LNPK: variants seen among roughly 807,000 people sequenced by gnomAD.
LNPK encodes the protein endoplasmic reticulum junction formation protein lunapark.
LNPK carries 29 observed loss-of-function variants against 55.2 expected under a neutral mutation model. The observed-to-expected ratio is 0.53, with a 90% confidence interval of 0.39 to 0.72. The LOEUF (loss-of-function observed/expected upper bound fraction) is 0.72. Among genes scored for constraint, LNPK ranks in the 30% least tolerant of loss-of-function variants. The pLI is 0.00. For missense variants in LNPK, 467 were observed against 494.8 expected (o/e 0.94, Z 0.53); for synonymous variants, 162 against 168.2 (o/e 0.96, Z 0.29).
chr2:175,949,941 T>G (rs1280393512), intron 8 of LNPK, among the ~76,000 whole-genome samples: 1 of 152,096 alleles, frequency 6.6e-6, no homozygotes, highest in African/African-American at 2.4e-5. Flanking sequence ...TACTTGTGAT[T>G]CATAAAGTTT....
chr2:175,960,840 AG>A (rs2105613417), intron 8 of LNPK, among the ~76,000 whole-genome samples: 1 of 152,330 alleles, frequency 6.6e-6, no homozygotes, highest in South Asian at 2.1e-4. Context: ...AAAAGAGAGA[AG>A]AATCAAATAG....
At chr2:175,970,168 G>T (rs924113330) in intron 6 of LNPK, among the ~76,000 whole-genome samples, 8 of 152,138 alleles carry the variant, frequency 5.3e-5, no homozygotes, top group Non-Finnish European at 8.8e-5. Flanking sequence ...AGACTACTAT[G>T]TATCAATATC....
chr2:175,997,040 G>A (rs1005002816), intron 1 of LNPK, among the ~76,000 whole-genome samples: 6 of 152,076 alleles, frequency 3.9e-5, no homozygotes, highest in Non-Finnish European at 7.4e-5. Context: ...AATAATACCA[G>A]TATCAAGTAA....
At chr2:175,976,866 G>A (rs1351034697) in intron 5 of LNPK, among the ~76,000 whole-genome samples, 1 of 152,126 alleles carries the variant, frequency 6.6e-6, no homozygotes, top group Non-Finnish European at 1.5e-5. Flanking sequence ...CAGATCCTGG[G>A]ACTTCTCAGT....
intron 8 of LNPK, among the ~76,000 whole-genome samples, chr2:175,954,889 A>G (rs1685618317): frequency 6.6e-6 from 1 of 152,208 alleles, no homozygotes; most frequent in Non-Finnish European, 1.5e-5. Flanking sequence ...TAGCAAGCTA[A>G]CTTTAAGATA....
In LNPK at chr2:175,925,629, G is replaced by A. The variant is rs1046630462; in HGVS notation, c.*4338C>T. Reference sequence around the variant, plus strand: ...CCAAGAACACTCAAGAGTCATTAAAGGGTCTAAGCAATGGCGTGGCAGATT... The same window carrying A: ...CCAAGAACACTCAAGAGTCATTAAAAGGTCTAAGCAATGGCGTGGCAGATT... On this transcript the variant is annotated 3_prime_UTR_variant, in exon 13 of 13. Transcript: ENST00000272748. 2.0e-4 allele frequency: 30 copies of A among 151,498 alleles called. No homozygotes were observed. Among genetic ancestry groups the A allele is most frequent in the African/African-American group, 7.3e-4 (30 of 41,172 alleles). The allele number at this position is 151,498 out of a possible 1,614,324, so 9.4% of individuals were successfully genotyped here.
At chr2:175,976,194 G>A (rs1686904755) in intron 5 of LNPK, among the ~76,000 whole-genome samples, 1 of 152,158 alleles carries the variant, frequency 6.6e-6, no homozygotes, top group Admixed American at 6.5e-5. Flanking sequence ...GCAATGGGAA[G>A]CTATTAGACA....
At chr2:175,930,275 AAC>A (rs35338571) in intron 12 of LNPK, 76 bp from the exon 13 acceptor site, 18,114 of 655,672 alleles carry the variant, frequency 0.028, 43 homozygotes, top group East Asian at 0.078. Flanking sequence ...AAAAAAGATA[AAC>A]ACACACACAC....
chr2:175,995,086 T>G (rs1687872246), intron 2 of LNPK, among the ~76,000 whole-genome samples: 1 of 151,894 alleles, frequency 6.6e-6, no homozygotes, highest in African/African-American at 2.4e-5. Context: ...TACGCCCAGC[T>G]AATTTTTGTA....
rs1684061699 is a variant in LNPK at position 175,927,427 on chromosome 2, AG to A, written c.*2539del. The stretch of plus-strand genomic sequence containing the variant: ...GATGGTGAGCAGAGAGTGACATGAT[AG>A]GGAGTAAAAGGCAGAGGCCAGCTTC... On this transcript the variant is annotated 3_prime_UTR_variant, in exon 13 of 13. Coordinates refer to ENST00000272748, the MANE Select transcript of LNPK (RefSeq NM_030650.3). The A allele has an allele frequency of 6.6e-6, 1 of 152,228 alleles. No individual in the cohort carries two copies. Among genetic ancestry groups the A allele is most frequent in the African/African-American group, 2.4e-5 (1 of 41,448 alleles). The allele number at this position is 152,228 out of a possible 1,614,324, so 9.4% of individuals were successfully genotyped here.
chr2:175,930,079 T>C lies in LNPK; in HGVS notation c.1175A>G (p.Lys392Arg). ...KASDSEEPEE[K>R]QETENEEASV... is the part of the protein sequence containing the mutation. ...GGCTTCCTCATTCTCAGTCTCTTGT[T>C]TCTCCTCTGGTTCCTCTGAGTCAGA... The change falls in exon 13 of 13, where the codon AAA becomes AGA. Residue 392 changes from lysine (K) to arginine (R), a missense_variant. Coordinates refer to ENST00000272748, the MANE Select transcript of LNPK (RefSeq NM_030650.3). 1 of 1,614,120 alleles carries C rather than the reference T, an allele frequency of 6.2e-7. No homozygotes were observed.
intron 4 of LNPK, among the ~76,000 whole-genome samples, chr2:175,980,936 T>C (rs561876052): frequency 6.7e-6 from 1 of 150,090 alleles, no homozygotes; most frequent in Non-Finnish European, 1.5e-5. Flanking sequence ...GAAAGAAGTA[T>C]ATAAACATTA....
chr2:175,986,216 A>C (rs1687403639), intron 4 of LNPK, among the ~76,000 whole-genome samples: 1 of 152,166 alleles, frequency 6.6e-6, no homozygotes. Flanking sequence ...AAAAAAGAGA[A>C]TACATCTTCA....
At chr2:175,969,414 C>G (rs943699695) in intron 6 of LNPK, among the ~76,000 whole-genome samples, 1 of 152,178 alleles carries the variant, frequency 6.6e-6, no homozygotes, top group African/African-American at 2.4e-5. Flanking sequence ...CTCTGTTACT[C>G]TATTGAGAGA....
chr2:175,988,821 T>A (rs1427260650), intron 4 of LNPK, among the ~76,000 whole-genome samples: 1 of 152,232 alleles, frequency 6.6e-6, no homozygotes, highest in Non-Finnish European at 1.5e-5. Context: ...TCGCCCAGGC[T>A]GGAGTGCAGT....
Position 175,927,696 on chromosome 2 carries a change from C to A in LNPK, c.*2271G>T, listed in dbSNP as rs1475819466. The stretch of plus-strand genomic sequence containing the variant: ...GCTAAGATCACTGTAGCTAATGGTA[C>A]TTAATAGCTTGGATTTTCTCATTTA... On this transcript the variant is annotated 3_prime_UTR_variant, in exon 13 of 13. Transcript: ENST00000272748. The A allele has an allele frequency of 6.6e-6, 1 of 152,136 alleles. No individual in the cohort carries two copies. The highest frequency in any genetic ancestry group is 1.5e-5 in the Non-Finnish European group (1 of 68,028). 9.4% of individuals were successfully genotyped at this position (152,136 alleles called of 1,614,324 possible).
intron 5 of LNPK, among the ~76,000 whole-genome samples, chr2:175,971,895 TG>T (rs1334067270): frequency 2.0e-5 from 3 of 152,174 alleles, no homozygotes; most frequent in African/African-American, 2.4e-5. Context: ...TTGGGCTTTA[TG>T]GGCCAAAAAG....
intron 8 of LNPK, among the ~76,000 whole-genome samples, chr2:175,957,053 A>T (rs1200615892): frequency 6.6e-6 from 1 of 152,058 alleles, no homozygotes; most frequent in Non-Finnish European, 1.5e-5. Flanking sequence ...TCACTAAGAA[A>T]ATAGAGATAC....
intron 4 of LNPK, among the ~76,000 whole-genome samples, chr2:175,985,652 T>C (rs1457485280): frequency 6.6e-6 from 1 of 152,136 alleles, no homozygotes; most frequent in African/African-American, 2.4e-5. Flanking sequence ...CCTGAAACCA[T>C]GGACAGTACC....
Sources: gnomAD v4.1 joint callset for allele counts (sites outside exome capture counted in the v4.1 genomes callset) on GRCh38, gnomAD v4.1.1 for gene constraint, MANE v1.5 for transcripts, NCBI Gene and HGNC (gene_info 2026-07-23, HGNC 2026-07-21) for gene names.